The following FNDC3B variants were observed in gnomAD, a reference collection of about 807,000 sequenced individuals.
FNDC3B encodes fibronectin type III domain containing 3B.
In FNDC3B, 12 loss-of-function variants were observed where a neutral mutation model predicts 151.5. The observed-to-expected ratio is 0.08, with a 90% CI of 0.05 to 0.13. The LOEUF (loss-of-function observed/expected upper bound fraction) is 0.13. Among genes scored for constraint, FNDC3B ranks in the 10% least tolerant of loss-of-function variants. The probability of loss-of-function intolerance (pLI) is 1.00; values close to 1 mark genes in which losing one functional copy is unlikely to be tolerated. For synonymous variants in FNDC3B, 528 were observed against 549.0 expected (o/e 0.96, Z 0.54); for missense variants, 1,214 against 1,505.3 (o/e 0.81, Z 3.20).
intron 6 of FNDC3B, among the ~76,000 whole-genome samples, chr3:172,254,219 A>G (rs1477312978): frequency 6.6e-6 from 1 of 152,232 alleles, no homozygotes; most frequent in African/African-American, 2.4e-5. Context: ...TGTATTAAAA[A>G]GATGCGGATA....
intron 9 of FNDC3B, among the ~76,000 whole-genome samples, chr3:172,305,456 A>G (rs1731150106): frequency 6.6e-6 from 1 of 152,136 alleles, no homozygotes; most frequent in African/African-American, 2.4e-5. Context: ...GGCTGACTGC[A>G]TCCGTGTTGT....
In FNDC3B at chr3:172,203,170, C is replaced by T. The variant is rs148438044; in HGVS notation, c.188-23701C>T. Among the ~76,000 whole-genome samples the T allele has an allele frequency of 4.5e-3, 688 of 152,346 alleles. 3 individuals are homozygous for T. The highest frequency in any genetic ancestry group is 0.016 in the African/African-American group (651 of 41,578). Reference sequence around the variant, plus strand: ...ATGTGACAAGCTGTGGGCACTCTAACATCCTGGAGGACATTGTCTCTCTCC... The same window carrying T: ...ATGTGACAAGCTGTGGGCACTCTAATATCCTGGAGGACATTGTCTCTCTCC... On this transcript the variant is annotated intron_variant, in intron 3 of 25. Coordinates refer to ENST00000415807, the MANE Select transcript of FNDC3B (RefSeq NM_022763.4).
chr3:172,135,729 A>T (rs1721324483), intron 3 of FNDC3B, among the ~76,000 whole-genome samples: 1 of 152,194 alleles, frequency 6.6e-6, no homozygotes, highest in Non-Finnish European at 1.5e-5. Context: ...AAGGAAAGTC[A>T]GCCCAGCAGG....
intron 3 of FNDC3B, among the ~76,000 whole-genome samples, chr3:172,221,869 T>C (rs1435709120): frequency 6.6e-6 from 1 of 152,216 alleles, no homozygotes; most frequent in Admixed American, 6.5e-5. Flanking sequence ...AATGTACTTG[T>C]ATTTAGACCA....
At chr3:172,353,205 C>A in intron 22 of FNDC3B, 122 bp downstream of exon 22, 2 of 939,522 alleles carry the variant, frequency 2.1e-6, no homozygotes, top group Non-Finnish European at 3.2e-6. Flanking sequence ...CCCAGATGTC[C>A]AGAGTATTGT....
chr3:172,359,432 G>T (rs1734263470), intron 22 of FNDC3B, among the ~76,000 whole-genome samples: 1 of 152,108 alleles, frequency 6.6e-6, no homozygotes, highest in Admixed American at 6.5e-5. Context: ...CTTGGCCTCT[G>T]GAATCTAGGA....
chr3:172,218,862 C>T (rs571992026), intron 3 of FNDC3B, among the ~76,000 whole-genome samples: 1 of 152,284 alleles, frequency 6.6e-6, no homozygotes, highest in South Asian at 2.1e-4. Flanking sequence ...GTATGCCTTC[C>T]ATCATTTTAC....
chr3:172,328,475 A>C (rs1392740253), intron 11 of FNDC3B, among the ~76,000 whole-genome samples: 1 of 152,162 alleles, frequency 6.6e-6, no homozygotes, highest in Non-Finnish European at 1.5e-5. Flanking sequence ...TGTATGGCAC[A>C]CTCAGCTGCA....
chr3:172,254,509 C>G (rs1179771821), intron 6 of FNDC3B, among the ~76,000 whole-genome samples: 2 of 152,182 alleles, frequency 1.3e-5, no homozygotes, highest in Non-Finnish European at 2.9e-5. Context: ...TTCTCTCCCT[C>G]CTTCTAGTAC....
At chr3:172,337,851 T>C (rs1733066320) in intron 16 of FNDC3B, 1 of 172,516 alleles carries the variant, frequency 5.8e-6, no homozygotes, top group Non-Finnish European at 1.2e-5. Flanking sequence ...CTCACTATGT[T>C]ATCTAGGCTG....
rs540301405 is a variant in FNDC3B, at chr3:172,384,644, C to T, written c.3303+3551C>T. ...CTGTTCTTGGAAAAATGTTCTGCTT[C>T]CCAAAGCACAGTGACTGCTGTTTCC... On this transcript the variant is annotated intron_variant, in intron 25 of 25. Coordinates refer to ENST00000415807, the MANE Select transcript of FNDC3B (RefSeq NM_022763.4). Among the ~76,000 whole-genome samples the T allele has an allele frequency of 8.5e-5, 13 of 152,274 alleles. 1 individual carries two copies. In the South Asian group the frequency reaches 2.3e-3, roughly 27 times the overall value.
chr3:172,116,572 TG>T (rs1720258091), intron 2 of FNDC3B, among the ~76,000 whole-genome samples: 1 of 152,144 alleles, frequency 6.6e-6, no homozygotes, highest in Non-Finnish European at 1.5e-5. Context: ...CCAACATCTT[TG>T]TTTTTTTTTT....
intron 23 of FNDC3B, among the ~76,000 whole-genome samples, chr3:172,368,010 G>C (rs1393387296): frequency 1.4e-4 from 22 of 152,182 alleles, no homozygotes; most frequent in Admixed American, 1.4e-3. Flanking sequence ...GAGAGGGACA[G>C]AAAGAATCTG....
intron 3 of FNDC3B, among the ~76,000 whole-genome samples, chr3:172,209,591 G>C (rs950468202): frequency 3.9e-5 from 6 of 152,266 alleles, no homozygotes; most frequent in Admixed American, 1.3e-4. Flanking sequence ...GGCCACAGGC[G>C]GGCCTGGAAA....
At chr3:172,060,445 A>G (rs1717142423) in intron 1 of FNDC3B, among the ~76,000 whole-genome samples, 1 of 152,070 alleles carries the variant, frequency 6.6e-6, no homozygotes, top group South Asian at 2.1e-4. Context: ...CCATGGTGAG[A>G]GAAAACCCTA....
At chr3:172,396,706 G>A (rs570810188) in intron 25 of FNDC3B, among the ~76,000 whole-genome samples, 31 of 152,148 alleles carry the variant, frequency 2.0e-4, no homozygotes, top group Non-Finnish European at 3.7e-4. Flanking sequence ...CTGTGTATAC[G>A]AGGGATCTAG....
At chr3:172,167,812 T>A (rs559541420) in intron 3 of FNDC3B, among the ~76,000 whole-genome samples, 8 of 152,232 alleles carry the variant, frequency 5.3e-5, no homozygotes, top group Non-Finnish European at 1.2e-4. Context: ...ATGTGAAGGA[T>A]CTAGGTTGCG....
chr3:172,278,783 C>T (rs1283762961), intron 6 of FNDC3B, among the ~76,000 whole-genome samples: 1 of 152,002 alleles, frequency 6.6e-6, no homozygotes, highest in East Asian at 1.9e-4. Context: ...AAAAATTAGC[C>T]AGGCATAGTG....
chr3:172,223,925 A>G (rs1726420208), intron 3 of FNDC3B, among the ~76,000 whole-genome samples: 1 of 152,266 alleles, frequency 6.6e-6, no homozygotes, highest in African/African-American at 2.4e-5. Flanking sequence ...AATGAATTTC[A>G]TCTTTAAACC....
Sources: gnomAD v4.1 joint callset for allele counts (sites outside exome capture counted in the v4.1 genomes callset) on GRCh38, gnomAD v4.1.1 for gene constraint, MANE v1.5 for transcripts, NCBI Gene and HGNC (gene_info 2026-07-23, HGNC 2026-07-21) for gene names.